The following GALNT18 variants were observed in gnomAD, a reference collection of about 807,000 sequenced individuals.
The protein encoded by GALNT18 is polypeptide N-acetylgalactosaminyltransferase 18, also known as GalNAc-transferase 18.
In GALNT18, 44 loss-of-function variants were observed where a neutral mutation model predicts 69.5. The ratio of observed to expected loss-of-function variants is 0.63; its 90% CI spans 0.50 to 0.81. GALNT18 has a LOEUF of 0.81. GALNT18 is among the 40% of genes least tolerant of loss of function. The probability of loss-of-function intolerance (pLI) is 0.00; values close to 1 mark genes in which losing one functional copy is unlikely to be tolerated. For synonymous variants in GALNT18, 364 were observed against 318.2 expected (o/e 1.14, Z -1.53); for missense variants, 715 against 810.0 (o/e 0.88, Z 1.42).
chr11:11,599,732 T>C (rs1859589265), intron 1 of GALNT18, among the ~76,000 whole-genome samples: 1 of 152,152 alleles, frequency 6.6e-6, no homozygotes, highest in East Asian at 1.9e-4. Context: ...TTTAATTTCC[T>C]TAATAATTTT....
intron 1 of GALNT18, among the ~76,000 whole-genome samples, chr11:11,589,888 C>T (rs1859314289): frequency 6.6e-6 from 1 of 152,188 alleles, no homozygotes; most frequent in Non-Finnish European, 1.5e-5. Flanking sequence ...AGAGAGTCCA[C>T]ATAGGCAATC....
intron 10 of GALNT18, among the ~76,000 whole-genome samples, chr11:11,283,473 T>A (rs1849126363): frequency 6.6e-6 from 1 of 152,182 alleles, no homozygotes; most frequent in African/African-American, 2.4e-5. Context: ...CATTGCAGAA[T>A]CTGACTGACA....
At chr11:11,288,248 C>T (rs1215106372) in intron 10 of GALNT18, among the ~76,000 whole-genome samples, 1 of 152,172 alleles carries the variant, frequency 6.6e-6, no homozygotes, top group African/African-American at 2.4e-5. Context: ...TCCTACTTGT[C>T]CCATCAAAAA....
At position 11,340,843 on chromosome 11, in the gene GALNT18, G is replaced by A. The variant is rs759476756; in HGVS notation, c.1254C>T (p.Tyr418=). The A allele has an allele frequency of 6.2e-7, 1 of 1,613,758 alleles. No individual in the cohort carries two copies. The highest frequency in any genetic ancestry group is 1.1e-5 in the South Asian group (1 of 90,966). The part of the protein sequence containing the change: ...VWMDEFKSHV[Y]MAWNIPQEDS... ...CCTCCTGCGGTATGTTCCATGCCAT[G>A]TAGACGTGGCTTTTAAATTCATCCA... Residue 418 remains tyrosine (Y), a synonymous_variant, in exon 7 of 11, where the codon TAC becomes TAT. Coordinates refer to ENST00000227756, the MANE Select transcript of GALNT18 (RefSeq NM_198516.3). This position sits in a 1 kb window ranked among gnomAD's most constrained non-coding sequence, Gnocchi z 4.2.
At position 11,618,217 on chromosome 11, in the gene GALNT18, C is replaced by T. The variant is rs1488534978; in HGVS notation, c.235+3142G>A. Reference sequence around the variant, plus strand: ...TGTGACATTTGCAGCTTCAAGGAGACTTTCCTTCTAACAAAAAGAGGAGCC... The same window carrying T: ...TGTGACATTTGCAGCTTCAAGGAGATTTTCCTTCTAACAAAAAGAGGAGCC... On this transcript the variant is annotated intron_variant, in intron 1 of 10. Coordinates refer to ENST00000227756, the MANE Select transcript of GALNT18 (RefSeq NM_198516.3). The surrounding 1 kb of genome is among the most constrained non-coding windows in gnomAD (Gnocchi z 6.1). 6.6e-6 allele frequency among the ~76,000 whole-genome samples: 1 copy of T among 152,204 alleles called. No homozygotes were observed. The highest frequency in any genetic ancestry group is 1.5e-5 in the Non-Finnish European group (1 of 68,036).
rs1442093711 is a variant in GALNT18, at chr11:11,377,024, TG to T, written c.977+157del. Among the ~76,000 whole-genome samples, 2 of 152,188 alleles carry T rather than the reference TG, an allele frequency of 1.3e-5. No individual in the cohort carries two copies. The highest frequency in any genetic ancestry group is 2.9e-5 in the Non-Finnish European group (2 of 68,034). On this transcript the variant is annotated intron_variant, in intron 5 of 10. Transcript: ENST00000227756. This position sits in a 1 kb window ranked among gnomAD's most constrained non-coding sequence, Gnocchi z 4.6. ...TGGATTCTGAGATCTTCAGAGCCTG[TG>T]GCAGTGACTGAAGATCAGACTGCAG...
intron 6 of GALNT18, chr11:11,353,175 T>G (rs571719102): frequency 4.4e-6 from 7 of 1,605,242 alleles, no homozygotes; most frequent in Non-Finnish European, 6.0e-6. Context: ...TGGCAGTCAC[T>G]GTGTTCAGAA....
Position 11,339,958 on chromosome 11 carries a change from G to A in GALNT18, c.1278+861C>T, listed in dbSNP as rs1172187606. ...AGAAGCTTCCTAAAGGACTCCAAAA[G>A]GGATTGCCATGGCCTTGGGAGGAAA... is the stretch of plus-strand genomic sequence containing the variant. On this transcript the variant is annotated intron_variant, in intron 7 of 10. Transcript: ENST00000227756. The surrounding 1 kb of genome is among the most constrained non-coding windows in gnomAD (Gnocchi z 5.2). 6.6e-6 allele frequency among the ~76,000 whole-genome samples: 1 copy of A among 152,176 alleles called. No individual in the cohort carries two copies. The highest frequency in any genetic ancestry group is 1.5e-5 in the Non-Finnish European group (1 of 68,036).
At chr11:11,282,107 T>C (rs925423596) in intron 10 of GALNT18, among the ~76,000 whole-genome samples, 1 of 152,158 alleles carries the variant, frequency 6.6e-6, no homozygotes, top group East Asian at 1.9e-4. Flanking sequence ...AAAACAGAGA[T>C]AGCACTGGCC....
chr11:11,281,414 G>A (rs1217280130), intron 10 of GALNT18, among the ~76,000 whole-genome samples: 2 of 152,200 alleles, frequency 1.3e-5, no homozygotes, highest in Non-Finnish European at 2.9e-5. Context: ...GGTGGGGGCT[G>A]TGACCAAAGC....
intron 1 of GALNT18, among the ~76,000 whole-genome samples, chr11:11,550,886 C>T (rs1172219681): frequency 6.6e-6 from 1 of 152,148 alleles, no homozygotes; most frequent in African/African-American, 2.4e-5. Context: ...AGGGGAGTTA[C>T]ACGAATAAGC....
At position 11,430,625 on chromosome 11, in the gene GALNT18, G is replaced by A. The variant is rs184134330; in HGVS notation, c.595+1996C>T. Among the ~76,000 whole-genome samples the A allele has an allele frequency of 6.6e-6, 1 of 152,150 alleles. No individual in the cohort carries two copies. Among genetic ancestry groups the A allele is most frequent in the Non-Finnish European group, 1.5e-5 (1 of 68,032 alleles). On this transcript the variant is annotated intron_variant, in intron 3 of 10. Transcript: ENST00000227756. This position sits in a 1 kb window ranked among gnomAD's most constrained non-coding sequence, Gnocchi z 4.9. ...TTGCTCCTGCTGCCTGCCTCTTCTG[G>A]GGCAATGCATTGCCATCCTCTGAAT...
intron 1 of GALNT18, among the ~76,000 whole-genome samples, chr11:11,456,688 C>T (rs1855931873): frequency 6.6e-6 from 1 of 152,148 alleles, no homozygotes; most frequent in Non-Finnish European, 1.5e-5. Flanking sequence ...TGAGTCCTTC[C>T]TAGGTGGGCC....
At chr11:11,504,511 C>T (rs950907258) in intron 1 of GALNT18, among the ~76,000 whole-genome samples, 1 of 152,012 alleles carries the variant, frequency 6.6e-6, no homozygotes, top group Non-Finnish European at 1.5e-5. Context: ...AATCCCTGCA[C>T]TTTGGGAGGC....
At chr11:11,280,036 C>T (rs368584689) in intron 10 of GALNT18, among the ~76,000 whole-genome samples, 30 of 152,140 alleles carry the variant, frequency 2.0e-4, no homozygotes, top group South Asian at 4.2e-4. Flanking sequence ...ATGGGATTAC[C>T]GACTTCCTGT....
chr11:11,385,936 T>C (rs1224819639), intron 3 of GALNT18, among the ~76,000 whole-genome samples: 1 of 151,848 alleles, frequency 6.6e-6, no homozygotes, highest in Non-Finnish European at 1.5e-5. Context: ...GGATGCAGAC[T>C]GAGGTAGGAA....
At position 11,379,394 on chromosome 11, in the gene GALNT18, T is replaced by A. The variant is rs1013091220; in HGVS notation, c.596-130A>T. 5.0e-6 allele frequency: 4 copies of A among 805,844 alleles called. No individual in the cohort carries two copies. The African/African-American group carries it at 6.9e-5, about 14-fold the overall frequency. The allele number at this position is 805,844 out of a possible 1,614,324, so 49.9% of individuals were successfully genotyped here. A position where few individuals can be genotyped will look rare whatever the true frequency, so the allele number is the denominator to read the frequency against. ...GGGACCCATTCCCCTCCCTGGGTCT[T>A]CTTCAGTGGTCCCCACAGTGGCCAG... On this transcript the variant is annotated intron_variant, in intron 3 of 10. Coordinates refer to ENST00000227756, the MANE Select transcript of GALNT18 (RefSeq NM_198516.3).
rs575779156 is a variant in GALNT18 at position 11,410,111 on chromosome 11, A to T, written c.595+22510T>A. ...ACAGGGGAGGATCAGAGACAGTGGG[A>T]AACTCAGAGAGAGGGTGTTTAATCT... On this transcript the variant is annotated intron_variant, in intron 3 of 10. Transcript: ENST00000227756. 2.6e-5 allele frequency among the ~76,000 whole-genome samples: 4 copies of T among 152,258 alleles called. No homozygotes were observed. In the East Asian group the frequency reaches 7.7e-4, roughly 29 times the overall value.
intron 1 of GALNT18, among the ~76,000 whole-genome samples, chr11:11,553,149 A>G (rs931387773): frequency 5.9e-5 from 9 of 152,208 alleles, no homozygotes; most frequent in Admixed American, 5.2e-4. Flanking sequence ...GGTGTGGGAA[A>G]GCAAGCCCTC....
Sources: allele counts gnomAD v4.1 joint callset (sites outside exome capture counted in the v4.1 genomes callset), GRCh38; gene constraint gnomAD v4.1.1; non-coding constraint Gnocchi (gnomAD v3.1); transcripts MANE v1.5; gene names NCBI Gene and HGNC (gene_info 2026-07-23, HGNC 2026-07-21).